The following XKR4 variants were observed in gnomAD, a reference collection of about 807,000 sequenced individuals.
XKR4 encodes XK related 4.
In XKR4, 12 loss-of-function variants were observed where a neutral mutation model predicts 53.9. That is an observed-to-expected ratio of 0.22 (90% CI 0.14 to 0.36). The LOEUF is 0.36. XKR4 is among the 10% of genes least tolerant of loss of function. The pLI is 1.00. For synonymous variants in XKR4, 354 were observed against 362.4 expected (o/e 0.98, Z 0.26); for missense variants, 799 against 859.5 (o/e 0.93, Z 0.88).
rs75594803 is a variant in XKR4 at position 55,332,571 on chromosome 8, T to G, written c.807-25107T>G. ...TTTGAAAGGACAGTGTTGCCAGATA[T>G]GGAATTCTTAGTTGACAGTTTTTTC... On this transcript the variant is annotated intron_variant, in intron 1 of 2. Coordinates refer to ENST00000327381, the MANE Select transcript of XKR4 (RefSeq NM_052898.2). 1.2e-3 allele frequency among the ~76,000 whole-genome samples: 189 copies of G among 152,184 alleles called. 8 individuals are homozygous for G. In the South Asian group the frequency reaches 0.027, roughly 22 times the overall value.
intron 2 of XKR4, among the ~76,000 whole-genome samples, chr8:55,375,904 A>G (rs1804144938): frequency 6.6e-6 from 1 of 151,780 alleles, no homozygotes; most frequent in Non-Finnish European, 1.5e-5. Context: ...AACAGGCCCC[A>G]GTGTGTGTTG....
chr8:55,360,487 C>T (rs534758320), intron 2 of XKR4, among the ~76,000 whole-genome samples: 18 of 152,296 alleles, frequency 1.2e-4, no homozygotes, highest in Non-Finnish European at 2.2e-4. Flanking sequence ...CATACATCTT[C>T]AATGGTTAAA....
At chr8:55,377,057 G>T (rs1233794614) in intron 2 of XKR4, among the ~76,000 whole-genome samples, 1 of 152,046 alleles carries the variant, frequency 6.6e-6, no homozygotes, top group Non-Finnish European at 1.5e-5. Flanking sequence ...CAATATTTGC[G>T]AGTTATAATG....
At chr8:55,329,633 G>A (rs889095786) in intron 1 of XKR4, among the ~76,000 whole-genome samples, 5 of 152,090 alleles carry the variant, frequency 3.3e-5, no homozygotes, top group African/African-American at 1.2e-4. Flanking sequence ...TTGTTTACTG[G>A]CGTGTACTTC....
chr8:55,310,346 G>A (rs1402760205), intron 1 of XKR4, among the ~76,000 whole-genome samples: 2 of 152,056 alleles, frequency 1.3e-5, no homozygotes, highest in Non-Finnish European at 2.9e-5. Flanking sequence ...CTAAGCCCCA[G>A]TTTTCTCATC....
intron 2 of XKR4, among the ~76,000 whole-genome samples, chr8:55,420,842 G>T (rs1195587806): frequency 6.7e-6 from 1 of 149,278 alleles, no homozygotes; most frequent in East Asian, 1.9e-4. Flanking sequence ...AAGATCCTTT[G>T]GCTGTTGTTG....
chr8:55,186,922 G>A (rs1197914857), intron 1 of XKR4, among the ~76,000 whole-genome samples: 2 of 151,978 alleles, frequency 1.3e-5, no homozygotes, highest in Admixed American at 1.3e-4. Context: ...GCAATTATAT[G>A]AGCTATGATT....
intron 2 of XKR4, among the ~76,000 whole-genome samples, chr8:55,426,145 T>G (rs1297094320): frequency 6.6e-6 from 1 of 152,180 alleles, no homozygotes; most frequent in Non-Finnish European, 1.5e-5. Flanking sequence ...AAACACTTCT[T>G]CACAAACATG....
At chr8:55,434,687 G>A (rs1219873845) in intron 2 of XKR4, among the ~76,000 whole-genome samples, 1 of 152,218 alleles carries the variant, frequency 6.6e-6, no homozygotes, top group African/African-American at 2.4e-5. Flanking sequence ...GAGTAAATCT[G>A]TTAATGGTAA....
intron 1 of XKR4, among the ~76,000 whole-genome samples, chr8:55,166,152 T>G (rs114810869): frequency 6.6e-6 from 1 of 152,296 alleles, no homozygotes; most frequent in African/African-American, 2.4e-5. Context: ...TTTCCCAAAT[T>G]GTGGCCCAAT....
chr8:55,453,652 C>A, intron 2 of XKR4: 1 of 422,116 alleles, frequency 2.4e-6, no homozygotes, highest in Non-Finnish European at 4.5e-6. Flanking sequence ...GCATGGCGCC[C>A]TCATCCAGCC....
At chr8:55,272,666 G>A (rs951580) in intron 1 of XKR4, among the ~76,000 whole-genome samples, 54,661 of 152,042 alleles carry the variant, frequency 0.36, 12,030 homozygotes, top group Non-Finnish European at 0.49. Context: ...CTCTCACAGA[G>A]TAACTAACCC....
chr8:55,228,842 T>TACACACAC (rs71256522), intron 1 of XKR4, among the ~76,000 whole-genome samples: 107 of 150,080 alleles, frequency 7.1e-4, no homozygotes, highest in African/African-American at 2.0e-3. Flanking sequence ...TGTGTGTATG[T>TACACACAC]ACACACACAC....
rs1459162099 is a variant in XKR4, at chr8:55,541,779, A to G, written c.*17552A>G. 3.9e-5 allele frequency: 6 copies of G among 152,318 alleles called. No homozygotes were observed. The East Asian group carries it at 1.2e-3, about 29-fold the overall frequency. 9.4% of individuals were successfully genotyped at this position (152,318 alleles called of 1,614,324 possible). A position where few individuals can be genotyped will look rare whatever the true frequency, so the allele number is the denominator to read the frequency against. ...CTGTAAATATATATATTCAAATTCC[A>G]TGTATCCAAACATCCCTTTAGCGTT... On this transcript the variant is annotated 3_prime_UTR_variant, in exon 3 of 3. Coordinates refer to ENST00000327381, the MANE Select transcript of XKR4 (RefSeq NM_052898.2).
chr8:55,486,954 G>A (rs1035731255), intron 2 of XKR4, among the ~76,000 whole-genome samples: 3 of 152,164 alleles, frequency 2.0e-5, no homozygotes, highest in Non-Finnish European at 4.4e-5. Flanking sequence ...GTACTAGTCA[G>A]GGTTCTCCAG....
At chr8:55,438,242 C>CAGGG (rs1385666330) in intron 2 of XKR4, among the ~76,000 whole-genome samples, 1 of 152,032 alleles carries the variant, frequency 6.6e-6, no homozygotes, top group Admixed American at 6.6e-5. Flanking sequence ...GATAATGACT[C>CAGGG]ATAATAGGCT....
In XKR4 at chr8:55,290,515, C is replaced by T. The variant is rs146604157; in HGVS notation, c.807-67163C>T. Among the ~76,000 whole-genome samples the T allele has an allele frequency of 6.6e-5, 10 of 152,144 alleles. No homozygotes were observed. The East Asian group carries it at 1.9e-3, about 29-fold the overall frequency. On this transcript the variant is annotated intron_variant, in intron 1 of 2. Coordinates refer to ENST00000327381, the MANE Select transcript of XKR4 (RefSeq NM_052898.2). ...TTCCATGGTGGTTTGTTGCACCTAT[C>T]GACCTGTCACCTAGGTATTAAGCCC...
intron 1 of XKR4, among the ~76,000 whole-genome samples, chr8:55,124,269 A>G (rs1816431246): frequency 6.6e-6 from 1 of 152,002 alleles, no homozygotes; most frequent in Non-Finnish European, 1.5e-5. Context: ...TGCTCCTATC[A>G]CCACAGCCTC....
intron 2 of XKR4, among the ~76,000 whole-genome samples, chr8:55,475,919 T>A (rs570161298): frequency 4.4e-4 from 67 of 152,068 alleles, no homozygotes; most frequent in African/African-American, 1.1e-3. Context: ...ACTATTTTTC[T>A]AATTTTCTGT....
Sources: gnomAD v4.1 joint callset for allele counts (sites outside exome capture counted in the v4.1 genomes callset) on GRCh38, gnomAD v4.1.1 for gene constraint, MANE v1.5 for transcripts, NCBI Gene and HGNC (gene_info 2026-07-23, HGNC 2026-07-21) for gene names.